TEX9: variants seen among roughly 807,000 people sequenced by gnomAD.
TEX9 encodes the protein testis expressed 9, also known as testis-expressed protein 9.
A neutral mutation model predicts 59.6 loss-of-function variants in TEX9; 74 were observed. The observed-to-expected ratio is 1.24, with a 90% CI of 1.03 to 1.51. TEX9 has a LOEUF of 1.51. Ranked by LOEUF, TEX9 falls within the 40% of genes most tolerant of loss-of-function variation. The pLI is 0.00. For synonymous variants in TEX9, 186 were observed against 152.2 expected (o/e 1.22, Z -1.64); for missense variants, 522 against 447.8 (o/e 1.17, Z -1.49).
intron 1 of TEX9, among the ~76,000 whole-genome samples, chr15:56,315,624 G>A (rs1340150010): frequency 6.8e-6 from 1 of 147,154 alleles, no homozygotes; most frequent in African/African-American, 2.5e-5. Flanking sequence ...TGACAATTAT[G>A]TGTCTTGGAG....
chr15:56,454,644 A>G, the TEX9 span, among the ~76,000 whole-genome samples: 200 of 152,220 alleles, frequency 1.3e-3, 1 homozygote, highest in African/African-American at 4.7e-3. Flanking sequence ...TACTGTTTTC[A>G]TTACTTGCAA....
chr15:56,394,476 T>C (rs1047544363), intron 8 of TEX9, 185 bp from the exon 9 acceptor site: 1 of 618,564 alleles, frequency 1.6e-6, no homozygotes, highest in Non-Finnish European at 2.7e-6. Context: ...CTTACAAATG[T>C]AGTGTAAGCT....
At chr15:56,444,875 C>T (rs1350371557) in intron 12 of TEX9, among the ~76,000 whole-genome samples, 1 of 152,106 alleles carries the variant, frequency 6.6e-6, no homozygotes, top group East Asian at 1.9e-4. Context: ...GCTTTCCTAT[C>T]CCTTCAAGTA....
chr15:56,446,760 A>G, downstream of TEX9: 2 of 1,034,546 alleles, frequency 1.9e-6, no homozygotes, highest in Non-Finnish European at 2.9e-6. Flanking sequence ...TCTTTATACA[A>G]TATGACAATT....
intron 1 of TEX9, among the ~76,000 whole-genome samples, chr15:56,336,155 A>G (rs1297855040): frequency 6.6e-6 from 1 of 152,174 alleles, no homozygotes; most frequent in East Asian, 1.9e-4. Context: ...ATTATGTATC[A>G]TATCCCCATA....
At chr15:56,282,125 A>AT (rs1284499003) in intron 1 of TEX9, among the ~76,000 whole-genome samples, 1 of 152,210 alleles carries the variant, frequency 6.6e-6, no homozygotes, top group Non-Finnish European at 1.5e-5. Context: ...AACAATATGT[A>AT]TTTTTAATCC....
intron 10 of TEX9, among the ~76,000 whole-genome samples, chr15:56,424,028 C>T (rs1300074605): frequency 6.6e-6 from 1 of 151,976 alleles, no homozygotes; most frequent in African/African-American, 2.4e-5. Flanking sequence ...TGTTCAAGTC[C>T]CTTATTGCTT....
chr15:56,365,753 C>T, intron 2 of TEX9, 83 bp downstream of exon 2: 1 of 1,567,858 alleles, frequency 6.4e-7, no homozygotes, highest in Admixed American at 1.8e-5. Context: ...TGGAGACTGG[C>T]TGGATCTTCG....
chr15:56,259,171 C>A (rs1254408787), intron 1 of TEX9, among the ~76,000 whole-genome samples: 4 of 151,902 alleles, frequency 2.6e-5, no homozygotes, highest in African/African-American at 9.7e-5. Context: ...AAATTTATGG[C>A]CCATGTGACC....
At chr15:56,272,358 A>G (rs1369995434) in intron 1 of TEX9, among the ~76,000 whole-genome samples, 1 of 152,196 alleles carries the variant, frequency 6.6e-6, no homozygotes, top group Non-Finnish European at 1.5e-5. Context: ...TTTCATATAA[A>G]TGCAATGTAC....
rs2045564364 is a variant in TEX9, at chr15:56,309,704, T to TTG, written c.-106-63736_-106-63735insGT. On this transcript the variant is annotated intron_variant, in intron 1 of 5. Transcript: ENST00000560827. ...GATTTTTATGGGAAGTTTTTTTTTT[T>TTG]TTTTTTTTTTTTTTTTTTTTAAAGC... is the stretch of plus-strand genomic sequence containing the variant. Among the ~76,000 whole-genome samples, 7 of 129,782 alleles carry TTG rather than the reference T, an allele frequency of 5.4e-5. No individual in the cohort carries two copies. The South Asian group carries it at 1.4e-3, about 27-fold the overall frequency. 85.1% of individuals were successfully genotyped at this position (129,782 alleles called of 152,430 possible).
chr15:56,330,158 C>T (rs755809545), intron 1 of TEX9, among the ~76,000 whole-genome samples: 1 of 151,972 alleles, frequency 6.6e-6, no homozygotes, highest in Non-Finnish European at 1.5e-5. Context: ...AAATATTTTA[C>T]CCTAGAATAA....
chr15:56,407,692 C>T (rs1320079268), intron 9 of TEX9, among the ~76,000 whole-genome samples: 3 of 152,136 alleles, frequency 2.0e-5, no homozygotes, highest in Non-Finnish European at 2.9e-5. Context: ...TTCCCTCTCC[C>T]ACTTTTGGAG....
chr15:56,268,598 T>A (rs1596054385), intron 1 of TEX9, among the ~76,000 whole-genome samples: 1 of 152,280 alleles, frequency 6.6e-6, no homozygotes, highest in East Asian at 1.9e-4. Flanking sequence ...GGTTTTTGTC[T>A]TTGGTTCTGT....
intron 3 of TEX9, 106 bp from the exon 4 acceptor site, chr15:56,383,846 C>A (rs2047843252): frequency 1.3e-5 from 10 of 772,662 alleles, no homozygotes; most frequent in Non-Finnish European, 2.1e-5. Flanking sequence ...GTTATGGAAA[C>A]CTTGGACAAT....
chr15:56,434,072 T>C, intron 12 of TEX9: 1 of 1,494,070 alleles, frequency 6.7e-7, no homozygotes. Flanking sequence ...AAATGTTTAG[T>C]GGATGATAGA....
chr15:56,365,197 C>G (rs567920763), upstream of TEX9, among the ~76,000 whole-genome samples: 198 of 152,332 alleles, frequency 1.3e-3, 1 homozygote, highest in Admixed American at 4.4e-3. Context: ...TTGGCTGAAA[C>G]TCTTTCAACC....
intron 1 of TEX9, among the ~76,000 whole-genome samples, chr15:56,293,945 G>A (rs935649179): frequency 6.6e-6 from 1 of 152,178 alleles, no homozygotes; most frequent in Non-Finnish European, 1.5e-5. Flanking sequence ...TGAGTTCCAC[G>A]AATCCTTCTA....
chr15:56,329,832 T>C (rs547829185), intron 1 of TEX9, among the ~76,000 whole-genome samples: 1 of 152,120 alleles, frequency 6.6e-6, no homozygotes, highest in Non-Finnish European at 1.5e-5. Flanking sequence ...CTAAGAGCTA[T>C]TAGCCTTAAA....
Sources: allele counts gnomAD v4.1 joint callset (sites outside exome capture counted in the v4.1 genomes callset), GRCh38; gene constraint gnomAD v4.1.1; transcripts MANE v1.5; gene names NCBI Gene and HGNC (gene_info 2026-07-23, HGNC 2026-07-21).